The following ANKS3 variants were observed in gnomAD, a reference collection of about 807,000 sequenced individuals.
ANKS3 encodes ankyrin repeat and SAM domain-containing protein 3.
ANKS3 carries 62 observed loss-of-function variants against 80.7 expected under a neutral mutation model. The ratio of observed to expected loss-of-function variants is 0.77; its 90% CI spans 0.63 to 0.95. The LOEUF is 0.95. ANKS3 is among the 40% of genes least tolerant of loss of function. ANKS3 has a pLI of 0.00. For missense variants in ANKS3, 1,150 were observed against 883.6 expected (o/e 1.30, Z -3.82); for synonymous variants, 489 against 355.3 (o/e 1.38, Z -4.23).
intron 1 of ANKS3, among the ~76,000 whole-genome samples, chr16:4,733,068 T>G (rs1254377185): frequency 6.6e-6 from 1 of 151,856 alleles, no homozygotes; most frequent in Non-Finnish European, 1.5e-5. Flanking sequence ...TGGTTACTTC[T>G]AGTGTAACCA....
intron 6 of ANKS3, among the ~76,000 whole-genome samples, chr16:4,720,161 C>CAA (rs34135519): frequency 2.0e-3 from 122 of 60,992 alleles, no homozygotes; most frequent in African/African-American, 6.0e-3. Context: ...GACCCCACCC[C>CAA]AAAAAAAAAA....
chr16:4,725,940 G>A (rs972411991), intron 5 of ANKS3, among the ~76,000 whole-genome samples: 4 of 150,380 alleles, frequency 2.7e-5, no homozygotes, highest in African/African-American at 7.3e-5. Flanking sequence ...TTACAGGTGT[G>A]AGCCACTGAG....
chr16:4,729,078 T>C (rs1319163062), intron 3 of ANKS3, among the ~76,000 whole-genome samples: 1 of 152,096 alleles, frequency 6.6e-6, no homozygotes, highest in Non-Finnish European at 1.5e-5. Flanking sequence ...GTGTGGAACA[T>C]AAGGGGGTGG....
At chr16:4,707,274 A>G (rs2080244239) in intron 7 of ANKS3, among the ~76,000 whole-genome samples, 1 of 146,766 alleles carries the variant, frequency 6.8e-6, no homozygotes, top group South Asian at 2.2e-4. Context: ...TATGACACGG[A>G]AGGACACTTT....
At chr16:4,729,213 C>CAGGT in intron 3 of ANKS3, 1 of 152,376 alleles carries the variant, frequency 6.6e-6, no homozygotes, top group Non-Finnish European at 1.5e-5. Flanking sequence ...TAGCAAAGGG[C>CAGGT]AGGTGGGCAG....
At chr16:4,717,847 G>A (rs1388016487) in intron 6 of ANKS3, among the ~76,000 whole-genome samples, 1 of 151,848 alleles carries the variant, frequency 6.6e-6, no homozygotes, top group Non-Finnish European at 1.5e-5. Context: ...CCAGGCTGGA[G>A]TGCAATGGCG....
At chr16:4,716,639 C>T (rs560369246) in intron 6 of ANKS3, among the ~76,000 whole-genome samples, 4 of 152,168 alleles carry the variant, frequency 2.6e-5, no homozygotes, top group South Asian at 2.1e-4. Context: ...ATTTATAGGC[C>T]GGGCACAGTG....
chr16:4,726,736 G>T lies in ANKS3; in HGVS notation c.414C>A (p.Ala138=). Residue 138 remains alanine, a synonymous_variant, in exon 5 of 18, where the codon GCC becomes GCA. Coordinates refer to ENST00000304283, the MANE Select transcript of ANKS3 (RefSeq NM_133450.4). The part of the protein sequence containing the change: ...LEMKDIQGWT[A]LFHCTSAGHQ... ...GCCCGGCGCTGGTACAGTGGAAGAG[G>T]GCTGTCCAGCCCTGGATGTCTTTCA... The T allele has an allele frequency of 6.2e-7, 1 of 1,614,150 alleles. No individual in the cohort carries two copies. The highest frequency in any genetic ancestry group is 8.5e-7 in the Non-Finnish European group (1 of 1,179,990).
intron 7 of ANKS3, among the ~76,000 whole-genome samples, chr16:4,706,229 T>C (rs1325526391): frequency 1.3e-5 from 2 of 152,006 alleles, no homozygotes; most frequent in Admixed American, 1.3e-4. Flanking sequence ...GTATTTTCTT[T>C]TTTTTTTCTT....
At chr16:4,705,392 G>A in intron 7 of ANKS3, 139 bp from the exon 8 acceptor site, 1 of 1,049,038 alleles carries the variant, frequency 9.5e-7, no homozygotes. Context: ...CATCACTTCT[G>A]AGAAATGCCC....
intron 6 of ANKS3, 71 bp downstream of exon 6, chr16:4,724,679 G>A: frequency 7.1e-7 from 1 of 1,416,630 alleles, no homozygotes; most frequent in East Asian, 2.3e-5. Flanking sequence ...TTCTGTAATA[G>A]CTTATACTTC....
chr16:4,702,447 C>T (rs961655619), intron 8 of ANKS3, among the ~76,000 whole-genome samples: 18 of 152,200 alleles, frequency 1.2e-4, no homozygotes, highest in African/African-American at 3.1e-4. Context: ...CCTGGTGGGG[C>T]GAGGGCTGGC....
chr16:4,729,740 A>G, intron 3 of ANKS3: 3 of 345,810 alleles, frequency 8.7e-6, no homozygotes, highest in Non-Finnish European at 1.5e-5. Context: ...GTCTGGTTAA[A>G]GAATGACTGT....
At position 4,697,884 on chromosome 16, in the gene ANKS3, G is replaced by A. The variant is rs867295666; in HGVS notation, c.1810+93C>T. 7.5e-5 allele frequency: 90 copies of A among 1,194,542 alleles called. No individual in the cohort carries two copies. In the Middle Eastern group the frequency reaches 2.5e-3, roughly 33 times the overall value. 74.0% of individuals were successfully genotyped at this position (1,194,542 alleles called of 1,614,324 possible). ...GGACCTGGGAGAGTGGCTGCCGGCC[G>A]GAGAACCAGGCCAAGCCCACTGGGT... On this transcript the variant is annotated intron_variant, in intron 15 of 17. Transcript: ENST00000304283.
intron 5 of ANKS3, 144 bp from the exon 6 acceptor site, chr16:4,724,975 G>T (rs942762130): frequency 3.0e-5 from 19 of 639,992 alleles, no homozygotes; most frequent in African/African-American, 2.9e-4. Context: ...ATTAACAGGT[G>T]ACATGAGAAC....
At chr16:4,697,192 C>A in intron 16 of ANKS3, 88 bp from the exon 17 acceptor site, 1 of 1,565,090 alleles carries the variant, frequency 6.4e-7, no homozygotes. Context: ...AGGATGTGAC[C>A]TGCCCCTCAC....
chr16:4,701,050 G>C lies in ANKS3; in HGVS notation c.1204C>G (p.Pro402Ala), dbSNP rs748808238. The part of the protein sequence containing the change: ...KTKNPDSQWP[P>A]RAATDREGFL... ...CCTTCCCTGTCAGTTGCAGCGCGGG[G>C]AGGCCACTGGCTGTCAGGATTCTTG... Residue 402 changes from proline (P) to alanine (A), a missense_variant, in exon 11 of 18, where the codon CCC (proline) becomes GCC (alanine). Coordinates refer to ENST00000304283, the MANE Select transcript of ANKS3 (RefSeq NM_133450.4). 1 of 1,614,102 alleles carries C rather than the reference G, an allele frequency of 6.2e-7. No homozygotes were observed. The highest frequency in any genetic ancestry group is 1.7e-5 in the Admixed American group (1 of 60,022).
At chr16:4,698,344 C>A (rs1387978505) in intron 14 of ANKS3, 83 bp downstream of exon 14, 6 of 1,423,752 alleles carry the variant, frequency 4.2e-6, no homozygotes, top group Non-Finnish European at 4.6e-6. Context: ...GTTACAAAAT[C>A]AGGAGGAAAG....
At chr16:4,701,590 G>A in intron 9 of ANKS3, 47 bp from the exon 10 acceptor site, 5 of 1,547,256 alleles carry the variant, frequency 3.2e-6, no homozygotes, top group East Asian at 2.3e-5. Flanking sequence ...TCACCGAGGT[G>A]CTGCGCATGG....
Sources: gnomAD v4.1 joint callset for allele counts (sites outside exome capture counted in the v4.1 genomes callset) on GRCh38, gnomAD v4.1.1 for gene constraint, MANE v1.5 for transcripts, NCBI Gene and HGNC (gene_info 2026-07-23, HGNC 2026-07-21) for gene names.